TXNDC16: variants seen among roughly 807,000 people sequenced by gnomAD.
TXNDC16 encodes the protein thioredoxin domain containing 16.
TXNDC16 carries 74 observed loss-of-function variants against 85.6 expected under a neutral mutation model. The observed-to-expected ratio is 0.86, with a 90% confidence interval of 0.72 to 1.05. The LOEUF is 1.05. Among genes scored for constraint, TXNDC16 ranks in the 50% least tolerant of loss-of-function variants. TXNDC16 has a pLI of 0.00. For synonymous variants in TXNDC16, 335 were observed against 326.5 expected, an observed-to-expected ratio of 1.03 and a Z score of -0.28; for missense variants, 959 against 947.0, an observed-to-expected ratio of 1.01 and a Z score of -0.17.
chr14:52,446,279 T>C (rs2035282000), intron 18 of TXNDC16, among the ~76,000 whole-genome samples: 1 of 152,192 alleles, frequency 6.6e-6, no homozygotes, highest in African/African-American at 2.4e-5. Context: ...GCACAGCAAT[T>C]GTGAGACTCT....
In TXNDC16 at chr14:52,455,479, T is replaced by C. The variant is rs2140115471; in HGVS notation, c.1704-17A>G. On this transcript the variant is annotated splice_polypyrimidine_tract_variant and intron_variant, in intron 17 of 20. Transcript: ENST00000281741. ...TTGGTTGACCTATGGAGAAAGGCAG[T>C]ATTAAAATTCACGATCAAAATCTAG... 1 of 1,612,762 alleles carries C rather than the reference T, an allele frequency of 6.2e-7. No individual in the cohort carries two copies. Among genetic ancestry groups the C allele is most frequent in the Non-Finnish European group, 8.5e-7 (1 of 1,179,450 alleles).
chr14:52,475,136 A>T (rs59562747), intron 14 of TXNDC16, among the ~76,000 whole-genome samples: 29,208 of 152,098 alleles, frequency 0.19, 2,955 homozygotes, highest in East Asian at 0.32. Flanking sequence ...AGCGAAATAC[A>T]CGGGTAAAGG....
chr14:52,470,168 C>T lies in TXNDC16; in HGVS notation c.1487G>A (p.Arg496Lys). Residue 496 changes from arginine (R) to lysine (K), a missense_variant, in exon 16 of 21, where the codon AGG (arginine) becomes AAG (lysine). Transcript: ENST00000281741. ...EDLLKFIQLN[R>K]ISYPVNITSI... The stretch of plus-strand genomic sequence containing the variant: ...TGTTATATTCACTGGATATGAAATC[C>T]TGTTGCTGGATAAACATATAACTAT... 1 of 1,595,302 alleles carries T rather than the reference C, an allele frequency of 6.3e-7. No individual in the cohort carries two copies. Among genetic ancestry groups the T allele is most frequent in the Non-Finnish European group, 8.5e-7 (1 of 1,172,172 alleles).
At chr14:52,507,351 T>C (rs1223485269) in intron 9 of TXNDC16, among the ~76,000 whole-genome samples, 2 of 151,876 alleles carry the variant, frequency 1.3e-5, no homozygotes, top group Non-Finnish European at 2.9e-5. Flanking sequence ...GGAATCCAAC[T>C]TACAAGGGAT....
At chr14:52,480,850 T>C (rs2036127230) in intron 14 of TXNDC16, among the ~76,000 whole-genome samples, 1 of 151,604 alleles carries the variant, frequency 6.6e-6, no homozygotes, top group South Asian at 2.1e-4. Flanking sequence ...ATGAAAAAGA[T>C]ACTTGCACAC....
intron 14 of TXNDC16, among the ~76,000 whole-genome samples, chr14:52,473,406 T>A (rs2035952355): frequency 6.6e-6 from 1 of 152,206 alleles, no homozygotes. Flanking sequence ...ATAGTGCTCT[T>A]CCAGCTGCAG....
At chr14:52,545,815 A>G (rs1338465790) in intron 1 of TXNDC16, among the ~76,000 whole-genome samples, 1 of 152,222 alleles carries the variant, frequency 6.6e-6, no homozygotes, top group East Asian at 1.9e-4. Context: ...TGCATGGAAA[A>G]TAAAATGCAT....
intron 16 of TXNDC16, among the ~76,000 whole-genome samples, chr14:52,465,513 A>T (rs2035752603): frequency 6.7e-6 from 1 of 150,294 alleles, no homozygotes; most frequent in Non-Finnish European, 1.5e-5. Context: ...AATGGCGTGA[A>T]CCTGGGAGGC....
chr14:52,466,988 G>C (rs1566543001), intron 16 of TXNDC16, among the ~76,000 whole-genome samples: 1 of 148,664 alleles, frequency 6.7e-6, no homozygotes, highest in East Asian at 1.9e-4. Context: ...AGAGTCAATA[G>C]AAAAAAAAAC....
intron 9 of TXNDC16, among the ~76,000 whole-genome samples, chr14:52,495,341 T>C (rs1002304308): frequency 1.4e-4 from 21 of 152,170 alleles, no homozygotes; most frequent in African/African-American, 3.9e-4. Context: ...GGCTGCTTAG[T>C]CTAACAACAA....
At chr14:52,535,974 A>G (rs776689426) in intron 6 of TXNDC16, among the ~76,000 whole-genome samples, 1 of 152,002 alleles carries the variant, frequency 6.6e-6, no homozygotes, top group Non-Finnish European at 1.5e-5. Flanking sequence ...CAGTAAGCCA[A>G]TATCACGCCA....
At chr14:52,514,775 C>T in intron 8 of TXNDC16, 105 bp downstream of exon 8, 2 of 788,774 alleles carry the variant, frequency 2.5e-6, no homozygotes, top group Non-Finnish European at 4.1e-6. Flanking sequence ...GTTCCTTTAT[C>T]TAAGCCCATG....
At chr14:52,530,465 T>TAATAATATAA (rs2037519983) in intron 6 of TXNDC16, among the ~76,000 whole-genome samples, 8 of 718 alleles carry the variant, frequency 0.011, 1 homozygote, top group African/African-American at 0.028. Context: ...ATAATATATA[T>TAATAATATAA]TATATATTAT....
rs199687026 is a variant in TXNDC16 at position 52,481,202 on chromosome 14, GA to G, written c.1312+1027del. On this transcript the variant is annotated intron_variant, in intron 14 of 20. Coordinates refer to ENST00000281741, the MANE Select transcript of TXNDC16 (RefSeq NM_020784.3). The stretch of plus-strand genomic sequence containing the variant: ...GTGGGGACTCAAGGGGAAAGGGTGG[GA>G]ATAGGGTAAGAAATACAAGGCCACA... 1.4e-3 allele frequency among the ~76,000 whole-genome samples: 209 copies of G among 151,782 alleles called. 4 individuals carry two copies. In the East Asian group the frequency reaches 0.039, roughly 29 times the overall value.
chr14:52,514,586 T>C (rs1416192399), intron 8 of TXNDC16, among the ~76,000 whole-genome samples: 2 of 152,166 alleles, frequency 1.3e-5, no homozygotes, highest in African/African-American at 4.8e-5. Flanking sequence ...CCCTATCTGA[T>C]CACCGCAGGA....
intron 6 of TXNDC16, among the ~76,000 whole-genome samples, chr14:52,529,993 CAT>C (rs948418989): frequency 1.3e-3 from 98 of 75,818 alleles, no homozygotes; most frequent in African/African-American, 5.4e-3. Flanking sequence ...ATATATAATT[CAT>C]ATATATAATA....
rs75883437 is a variant in TXNDC16 at position 52,489,035 on chromosome 14, T to C, written c.985-549A>G. 4.8e-3 allele frequency among the ~76,000 whole-genome samples: 725 copies of C among 152,266 alleles called. 14 individuals are homozygous for C. The highest frequency in any genetic ancestry group is 0.039 in the Admixed American group (598 of 15,278). ...TGCTGAAAGCCTCACTTGCTTCTTG[T>C]CACAACCACATTATACTGAAGTCTG... On this transcript the variant is annotated intron_variant, in intron 11 of 20. Coordinates refer to ENST00000281741, the MANE Select transcript of TXNDC16 (RefSeq NM_020784.3).
At chr14:52,457,485 T>A (rs79006967) in intron 16 of TXNDC16, among the ~76,000 whole-genome samples, 13,090 of 152,262 alleles carry the variant, frequency 0.086, 620 homozygotes, top group East Asian at 0.14. Flanking sequence ...CCTTTTAATT[T>A]ACTCCTATGG....
chr14:52,492,387 C>G (rs147029606), intron 9 of TXNDC16, among the ~76,000 whole-genome samples: 1 of 152,150 alleles, frequency 6.6e-6, no homozygotes, highest in African/African-American at 2.4e-5. Flanking sequence ...GCTCTAGGCT[C>G]GGCCCTGCTC....
Sources: gnomAD v4.1 joint callset for allele counts (sites outside exome capture counted in the v4.1 genomes callset) on GRCh38, gnomAD v4.1.1 for gene constraint, MANE v1.5 for transcripts, NCBI Gene and HGNC (gene_info 2026-07-23, HGNC 2026-07-21) for gene names.